The following DDX10 variants were observed in gnomAD, a reference collection of about 807,000 sequenced individuals.
The protein encoded by DDX10 is DEAD-box helicase 10, also known as probable ATP-dependent RNA helicase DDX10.
In DDX10, 74 loss-of-function variants were observed where a neutral mutation model predicts 104.3. The ratio of observed to expected loss-of-function variants is 0.71; its 90% CI spans 0.59 to 0.86. The LOEUF (loss-of-function observed/expected upper bound fraction) is 0.86, where lower values mean the gene tolerates loss of function less well. DDX10 is among the 40% of genes least tolerant of loss of function. The pLI, the probability that DDX10 is intolerant of heterozygous loss-of-function variation, is 0.00. For missense variants in DDX10, 952 were observed against 1,040.0 expected (o/e 0.92, Z 1.16); for synonymous variants, 351 against 353.4 (o/e 0.99, Z 0.08).
intron 9 of DDX10, among the ~76,000 whole-genome samples, chr11:108,701,163 C>T (rs970427033): frequency 2.0e-5 from 3 of 152,010 alleles, no homozygotes; most frequent in African/African-American, 7.2e-5. Context: ...ATAGAATCGT[C>T]AGACATTCCA....
At chr11:108,713,209 T>C (rs765276725) in intron 10 of DDX10, among the ~76,000 whole-genome samples, 1 of 152,202 alleles carries the variant, frequency 6.6e-6, no homozygotes, top group Non-Finnish European at 1.5e-5. Context: ...TCTGAGCTCT[T>C]GGATCTGTGG....
chr11:108,780,426 T>C lies in DDX10; in HGVS notation c.1965+56964T>C, dbSNP rs994139163. On this transcript the variant is annotated intron_variant, in intron 13 of 17. Transcript: ENST00000322536. The stretch of plus-strand genomic sequence containing the variant: ...TTTAAGAGGGGTGGTTTTTGGACTT[T>C]TTTTCTTCTCTGTGCTTCCCTATAG... 2.6e-5 allele frequency among the ~76,000 whole-genome samples: 4 copies of C among 152,300 alleles called. No homozygotes were observed. The South Asian group carries it at 8.3e-4, about 32-fold the overall frequency.
chr11:108,668,776 C>T (rs972510078), intron 1 of DDX10, among the ~76,000 whole-genome samples: 1 of 152,110 alleles, frequency 6.6e-6, no homozygotes, highest in African/African-American at 2.4e-5. Context: ...GGGGTTGATA[C>T]AGTTTGACAC....
chr11:108,748,399 T>C (rs754780581), intron 13 of DDX10, among the ~76,000 whole-genome samples: 2 of 152,200 alleles, frequency 1.3e-5, no homozygotes, highest in Non-Finnish European at 2.9e-5. Flanking sequence ...ATTGAGACAT[T>C]GAAGATCTGG....
intron 13 of DDX10, among the ~76,000 whole-genome samples, chr11:108,806,132 T>C (rs1364811227): frequency 6.6e-6 from 1 of 152,112 alleles, no homozygotes; most frequent in Admixed American, 6.5e-5. Context: ...CGGCTAGTTT[T>C]TTTTATTTTT....
intron 13 of DDX10, among the ~76,000 whole-genome samples, chr11:108,787,896 C>G (rs906905370): frequency 6.6e-6 from 1 of 152,260 alleles, no homozygotes; most frequent in Non-Finnish European, 1.5e-5. Flanking sequence ...TGCCATTGCA[C>G]TCCAGCCTGG....
intron 17 of DDX10, among the ~76,000 whole-genome samples, chr11:108,933,032 C>T (rs543707945): frequency 6.6e-6 from 1 of 151,894 alleles, no homozygotes; most frequent in Non-Finnish European, 1.5e-5. Flanking sequence ...ATGACACTTA[C>T]TAAAGAAGGG....
intron 13 of DDX10, among the ~76,000 whole-genome samples, chr11:108,800,560 C>G (rs1862007165): frequency 6.6e-6 from 1 of 151,972 alleles, no homozygotes; most frequent in African/African-American, 2.4e-5. Context: ...CTTTACCTGC[C>G]TAGAATAGAG....
chr11:108,881,186 T>C (rs1009832754), intron 16 of DDX10, among the ~76,000 whole-genome samples: 4 of 152,172 alleles, frequency 2.6e-5, no homozygotes, highest in African/African-American at 9.7e-5. Context: ...GTCAAAAGCT[T>C]GTAGCTTAAT....
chr11:108,762,353 C>T (rs2094351776), intron 13 of DDX10, among the ~76,000 whole-genome samples: 2 of 152,098 alleles, frequency 1.3e-5, no homozygotes, highest in Admixed American at 6.6e-5. Context: ...TGGTGTGGCT[C>T]ATTTATGTTT....
intron 6 of DDX10, among the ~76,000 whole-genome samples, chr11:108,685,387 G>A (rs538178132): frequency 7.9e-5 from 12 of 151,538 alleles, no homozygotes; most frequent in Admixed American, 3.9e-4. Context: ...GCCCTGCTTC[G>A]GCTCGCGCAC....
At chr11:108,906,698 C>T (rs1034154674) in intron 16 of DDX10, among the ~76,000 whole-genome samples, 1 of 151,988 alleles carries the variant, frequency 6.6e-6, no homozygotes, top group Non-Finnish European at 1.5e-5. Flanking sequence ...TGTAATATTT[C>T]TCAGAAAAGA....
At chr11:108,812,124 G>T (rs571373625) in intron 13 of DDX10, among the ~76,000 whole-genome samples, 1 of 152,194 alleles carries the variant, frequency 6.6e-6, no homozygotes, top group East Asian at 1.9e-4. Context: ...CAACCAGTCT[G>T]CTCATTAATT....
intron 13 of DDX10, among the ~76,000 whole-genome samples, chr11:108,747,529 C>G (rs1306622668): frequency 6.6e-6 from 1 of 152,118 alleles, no homozygotes; most frequent in Non-Finnish European, 1.5e-5. Flanking sequence ...GAGTTAATGC[C>G]TTAGTATTTT....
intron 13 of DDX10, among the ~76,000 whole-genome samples, chr11:108,725,370 A>G (rs1396822558): frequency 6.6e-6 from 1 of 152,070 alleles, no homozygotes; most frequent in East Asian, 1.9e-4. Flanking sequence ...TTAAGGGTAT[A>G]TTTAACTTTG....
chr11:108,668,050 G>A (rs11212748), intron 1 of DDX10, among the ~76,000 whole-genome samples: 2 of 152,218 alleles, frequency 1.3e-5, no homozygotes, highest in Non-Finnish European at 2.9e-5. Context: ...GTTGTTTGCT[G>A]TAAGACTAGA....
chr11:108,837,607 C>CTTTTTTTTTTTTTTTTTTT lies in DDX10; in HGVS notation c.1966-822_1966-804dup, dbSNP rs142381520. ...TTCTGCATCTCACCTTTGGATACAG[C>CTTTTTTTTTTTTTTTTTTT]TTTTTTTTTTTTTTTTTTTTTTTTT... On this transcript the variant is annotated intron_variant, in intron 13 of 17. Coordinates refer to ENST00000322536, the MANE Select transcript of DDX10 (RefSeq NM_004398.4). Among the ~76,000 whole-genome samples, 10 of 34,748 alleles carry CTTTTTTTTTTTTTTTTTTT rather than the reference C, an allele frequency of 2.9e-4. 4 individuals carry two copies. The highest frequency in any genetic ancestry group is 6.3e-4 in the African/African-American group (5 of 7,928). 22.8% of individuals were successfully genotyped at this position (34,748 alleles called of 152,430 possible). A position where few individuals can be genotyped will look rare whatever the true frequency, so the allele number is the denominator to read the frequency against.
intron 13 of DDX10, among the ~76,000 whole-genome samples, chr11:108,802,899 A>C (rs1328764836): frequency 6.6e-6 from 1 of 152,252 alleles, no homozygotes; most frequent in Non-Finnish European, 1.5e-5. Flanking sequence ...ACTTGGGTGT[A>C]GATACAACTC....
At position 108,806,119 on chromosome 11, in the gene DDX10, G is replaced by T. The variant is rs150964800; in HGVS notation, c.1966-32327G>T. On this transcript the variant is annotated intron_variant, in intron 13 of 17. Coordinates refer to ENST00000322536, the MANE Select transcript of DDX10 (RefSeq NM_004398.4). ...TGGAATTACAGGCGTCCACCACCAC[G>T]CCCGGCTAGTTTTTTTTATTTTTAG... is the stretch of plus-strand genomic sequence containing the variant. Among the ~76,000 whole-genome samples the T allele has an allele frequency of 6.4e-3, 968 of 151,986 alleles. 15 individuals are homozygous for T. The highest frequency in any genetic ancestry group is 0.029 in the East Asian group (148 of 5,154).
Sources: allele counts gnomAD v4.1 joint callset (sites outside exome capture counted in the v4.1 genomes callset), GRCh38; gene constraint gnomAD v4.1.1; transcripts MANE v1.5; gene names NCBI Gene and HGNC (gene_info 2026-07-23, HGNC 2026-07-21).